Variants in TMCC1 observed in about 807,000 individuals in gnomAD.
The protein encoded by TMCC1 is transmembrane and coiled-coil domains protein 1.
TMCC1 carries 15 observed loss-of-function variants against 52.4 expected under a neutral mutation model. That is an observed-to-expected ratio of 0.29 (90% CI 0.19 to 0.44). TMCC1 has a LOEUF of 0.44. Ranked by LOEUF, TMCC1 falls within the 20% of genes least tolerant of loss-of-function variation. The pLI, the probability that TMCC1 is intolerant of heterozygous loss-of-function variation, is 1.00. For synonymous variants in TMCC1, 279 were observed against 301.9 expected, an observed-to-expected ratio of 0.92 and a Z score of 0.79; for missense variants, 503 against 806.0, an observed-to-expected ratio of 0.62 and a Z score of 4.55.
chr3:129,702,244 C>G (rs974425500), intron 4 of TMCC1, among the ~76,000 whole-genome samples: 3 of 146,568 alleles, frequency 2.0e-5, no homozygotes, highest in African/African-American at 8.0e-5. Context: ...TACTGGTCCC[C>G]AATTGTTTTT....
chr3:129,663,092 A>C (rs1259339308), intron 5 of TMCC1, among the ~76,000 whole-genome samples: 1 of 152,208 alleles, frequency 6.6e-6, no homozygotes, highest in Non-Finnish European at 1.5e-5. Context: ...AGGTCAACAC[A>C]GTAGTCAACT....
At chr3:129,806,722 A>G (rs2057486295) in intron 4 of TMCC1, among the ~76,000 whole-genome samples, 1 of 152,196 alleles carries the variant, frequency 6.6e-6, no homozygotes. Context: ...CAGAGACAAA[A>G]GAAAACAAAT....
At chr3:129,845,450 C>T (rs568259061) in intron 2 of TMCC1, among the ~76,000 whole-genome samples, 7 of 152,226 alleles carry the variant, frequency 4.6e-5, no homozygotes, top group South Asian at 4.1e-4. Flanking sequence ...CATGAGTATA[C>T]TTATCTCAAA....
rs373372059 is a variant in TMCC1 at position 129,702,639 on chromosome 3, A to T, written c.577-31375T>A. ...TTGATAGCTCTTTTATCATTTCCAA[A>T]TCCCAGGTGAACAACATACCAAGTA... On this transcript the variant is annotated intron_variant, in intron 4 of 6. Coordinates refer to ENST00000393238, the MANE Select transcript of TMCC1 (RefSeq NM_001017395.5). Among the ~76,000 whole-genome samples, 7 of 152,290 alleles carry T rather than the reference A, an allele frequency of 4.6e-5. No homozygotes were observed. In the East Asian group the frequency reaches 1.3e-3, roughly 29 times the overall value.
chr3:129,720,382 A>C (rs2049474465), intron 4 of TMCC1, among the ~76,000 whole-genome samples: 1 of 152,204 alleles, frequency 6.6e-6, no homozygotes, highest in African/African-American at 2.4e-5. Flanking sequence ...TGAGATCTCC[A>C]GCACACTTTA....
rs2061310590 is a variant in TMCC1, at chr3:129,878,160, C to T, written c.-184+2149G>A. On this transcript the variant is annotated intron_variant, in intron 2 of 6. Coordinates refer to ENST00000393238, the MANE Select transcript of TMCC1 (RefSeq NM_001017395.5). ...TTTTTTTTTAGTAGAGATGGGGTTT[C>T]ACGACATTCGCCAGGCTGGTCTTGA... Among the ~76,000 whole-genome samples, 3 of 150,224 alleles carry T rather than the reference C, an allele frequency of 2.0e-5. No homozygotes were observed. In the South Asian group the frequency reaches 6.4e-4, roughly 32 times the overall value.
chr3:129,757,826 T>C (rs1384221842), intron 4 of TMCC1, among the ~76,000 whole-genome samples: 3 of 151,582 alleles, frequency 2.0e-5, no homozygotes, highest in African/African-American at 4.9e-5. Flanking sequence ...AGAAATTCCA[T>C]CTTAAAAATA....
intron 4 of TMCC1, among the ~76,000 whole-genome samples, chr3:129,742,116 C>G (rs2107637277): frequency 6.6e-6 from 1 of 152,118 alleles, no homozygotes; most frequent in East Asian, 1.9e-4. Flanking sequence ...TCTTTGTGAC[C>G]TTGAATAGTC....
At chr3:129,834,803 C>T (rs2059081065) in intron 2 of TMCC1, among the ~76,000 whole-genome samples, 1 of 152,154 alleles carries the variant, frequency 6.6e-6, no homozygotes, top group Admixed American at 6.5e-5. Flanking sequence ...GCTAAAAAAG[C>T]ATCTGATAAA....
chr3:129,710,140 C>T (rs542858829), intron 4 of TMCC1, among the ~76,000 whole-genome samples: 32 of 152,086 alleles, frequency 2.1e-4, no homozygotes, highest in Admixed American at 1.8e-3. Flanking sequence ...GGGCTGAGAT[C>T]GCGCCACTGC....
Position 129,783,479 on chromosome 3 carries a change from A to G in TMCC1, c.576+44324T>C, listed in dbSNP as rs150661546. Among the ~76,000 whole-genome samples the G allele has an allele frequency of 6.8e-3, 1,035 of 152,158 alleles. 11 individuals carry two copies. The highest frequency in any genetic ancestry group is 0.024 in the African/African-American group (988 of 41,498). On this transcript the variant is annotated intron_variant, in intron 4 of 6. Coordinates refer to ENST00000393238, the MANE Select transcript of TMCC1 (RefSeq NM_001017395.5). ...TCCCACATGATATACCCCTTATTAA[A>G]TGTGGTAGATTATCACCTCCTGACA...
At chr3:129,851,759 C>G (rs1432505419) in intron 2 of TMCC1, among the ~76,000 whole-genome samples, 1 of 152,172 alleles carries the variant, frequency 6.6e-6, no homozygotes, top group Non-Finnish European at 1.5e-5. Context: ...GAGTTCAAAG[C>G]AAGGCCTCGA....
At chr3:129,682,256 A>G (rs1202811116) in intron 4 of TMCC1, among the ~76,000 whole-genome samples, 1 of 152,174 alleles carries the variant, frequency 6.6e-6, no homozygotes, top group African/African-American at 2.4e-5. Context: ...ATCAGCCTCC[A>G]GAGTAGGTGG....
At chr3:129,868,140 G>GAA (rs11391554) in intron 2 of TMCC1, among the ~76,000 whole-genome samples, 13 of 152,056 alleles carry the variant, frequency 8.5e-5, no homozygotes, top group Non-Finnish European at 1.8e-4. Flanking sequence ...GCAGAGGGGG[G>GAA]AAAAACCATA....
At chr3:129,753,045 C>T (rs2052677468) in intron 4 of TMCC1, among the ~76,000 whole-genome samples, 1 of 152,120 alleles carries the variant, frequency 6.6e-6, no homozygotes, top group Non-Finnish European at 1.5e-5. Context: ...AAAGTCTGCC[C>T]CCTTGATTCA....
chr3:129,743,319 T>A (rs532540158), intron 4 of TMCC1, among the ~76,000 whole-genome samples: 27 of 152,300 alleles, frequency 1.8e-4, no homozygotes, highest in African/African-American at 6.5e-4. Context: ...TCTCTGAGGA[T>A]GATTTGCTTG....
chr3:129,850,819 TATG>T (rs2107900108), intron 2 of TMCC1, among the ~76,000 whole-genome samples: 1 of 152,318 alleles, frequency 6.6e-6, no homozygotes, highest in East Asian at 1.9e-4. Flanking sequence ...AAGTATCCCT[TATG>T]GGAAACGAAG....
chr3:129,856,200 T>G (rs1373747660), intron 2 of TMCC1, among the ~76,000 whole-genome samples: 1 of 152,226 alleles, frequency 6.6e-6, no homozygotes, highest in Non-Finnish European at 1.5e-5. Context: ...ACAACTGTAA[T>G]TTTAAGTAGC....
At position 129,687,861 on chromosome 3, in the gene TMCC1, A is replaced by G. The variant is rs374591189; in HGVS notation, c.577-16597T>C. 4.6e-5 allele frequency among the ~76,000 whole-genome samples: 7 copies of G among 152,312 alleles called. No homozygotes were observed. In the East Asian group the frequency reaches 1.3e-3, roughly 29 times the overall value. The stretch of plus-strand genomic sequence containing the variant: ...TTTATTTTTCCTTCTCCCGCTTCAG[A>G]CTATAGAAAAAGCAGGGAAAAAAAA... On this transcript the variant is annotated intron_variant, in intron 4 of 6. Coordinates refer to ENST00000393238, the MANE Select transcript of TMCC1 (RefSeq NM_001017395.5).
Sources: gnomAD v4.1 joint callset for allele counts (sites outside exome capture counted in the v4.1 genomes callset) on GRCh38, gnomAD v4.1.1 for gene constraint, MANE v1.5 for transcripts, NCBI Gene and HGNC (gene_info 2026-07-23, HGNC 2026-07-21) for gene names.